The following KIF18B variants were observed in gnomAD, a reference collection of about 807,000 sequenced individuals.
KIF18B encodes kinesin-like protein KIF18B.
A neutral mutation model predicts 80.9 loss-of-function variants in KIF18B; 49 were observed. The ratio of observed to expected loss-of-function variants is 0.61; its 90% confidence interval spans 0.48 to 0.77. The LOEUF is 0.77. Among genes scored for constraint, KIF18B ranks in the 30% least tolerant of loss-of-function variants. KIF18B has a pLI of 0.00. For missense variants in KIF18B, 994 were observed against 1,127.7 expected (o/e 0.88, Z 1.70); for synonymous variants, 439 against 463.9 (o/e 0.95, Z 0.69).
intron 1 of KIF18B, among the ~76,000 whole-genome samples, chr17:44,946,780 G>T (rs575023293): frequency 2.0e-5 from 3 of 152,134 alleles, no homozygotes; most frequent in South Asian, 2.1e-4. Flanking sequence ...AGTAACAAAG[G>T]CCTGGTCTTC....
At chr17:44,939,325 C>T (rs1043514650) in intron 1 of KIF18B, among the ~76,000 whole-genome samples, 4 of 131,696 alleles carry the variant, frequency 3.0e-5, no homozygotes, top group South Asian at 2.4e-4. Flanking sequence ...GAGCTGAGAT[C>T]GCACCATTGT....
At position 44,926,465 on chromosome 17, in the gene KIF18B, G is replaced by C. The variant is rs777523695; in HGVS notation, c.2401C>G (p.Arg801Gly). 5.7e-6 allele frequency: 9 copies of C among 1,589,446 alleles called. No individual in the cohort carries two copies. The highest frequency in any genetic ancestry group is 6.8e-6 in the Non-Finnish European group (8 of 1,169,160). The change falls in exon 15 of 16, where the codon CGC (arginine) becomes GGC (glycine). Residue 801 changes from arginine (R) to glycine (G), a missense_variant. By Grantham distance (125) the Arg-to-Gly change is moderately radical (BLOSUM62 -2). Coordinates refer to ENST00000593135, the MANE Select transcript of KIF18B (RefSeq NM_001265577.2). Reference protein sequence around the residue: ...SVSHGRSRIARLPSSTLKRPA... With the variant: ...SVSHGRSRIAGLPSSTLKRPA... ...CTCTTCAAAGTGCTGCTGGGGAGGC[G>C]GGCGATGCGGCTGCGGCCATGGGAG...
chr17:44,926,257 A>G (rs2052023077), intron 15 of KIF18B, 71 bp from the exon 16 acceptor site: 22 of 1,598,090 alleles, frequency 1.4e-5, no homozygotes, highest in Non-Finnish European at 1.9e-5. Context: ...CCCGTCCTCC[A>G]GCCCACCTCC....
chr17:44,928,475 G>T lies in KIF18B; in HGVS notation c.1827C>A (p.Ile609=). The change falls in exon 13 of 16, where the codon ATC becomes ATA. Residue 609 remains isoleucine (I), a synonymous_variant. Transcript: ENST00000593135. ...RLSGPLHTLG[I]PPGPNCTPAQ... The stretch of plus-strand genomic sequence containing the variant: ...CTGGGGTGCAGTTGGGTCCAGGCGG[G>T]ATTCCCAGGGTGTGCAGGGGGCCAC... The T allele has an allele frequency of 6.6e-7, 1 of 1,525,260 alleles. No homozygotes were observed. The allele number at this position is 1,525,260 out of a possible 1,614,324, so 94.5% of individuals were successfully genotyped here.
Position 44,927,121 on chromosome 17 carries a change from C to G in KIF18B, c.2277-43G>C. The G allele has an allele frequency of 6.7e-7, 1 of 1,486,204 alleles. No individual in the cohort carries two copies. The allele number at this position is 1,486,204 out of a possible 1,614,324, so 92.1% of individuals were successfully genotyped here. A position where few individuals can be genotyped will look rare whatever the true frequency, so the allele number is the denominator to read the frequency against. ...GGAAGGAGGCTGATCAGCAGGGAACCGGAAGCAAGGCCAGCCACTTCCTCC... is the reference window on the plus strand; with the variant it reads ...GGAAGGAGGCTGATCAGCAGGGAACGGGAAGCAAGGCCAGCCACTTCCTCC... On this transcript the variant is annotated intron_variant, in intron 13 of 15. Coordinates refer to ENST00000593135, the MANE Select transcript of KIF18B (RefSeq NM_001265577.2). This position sits in a 1 kb window ranked among gnomAD's most constrained non-coding sequence, Gnocchi z 4.1.
In KIF18B at chr17:44,926,506, G is replaced by T; in HGVS notation, c.2367-7C>A. On this transcript the variant is annotated splice_polypyrimidine_tract_variant and splice_region_variant and intron_variant, in intron 14 of 15. Coordinates refer to ENST00000593135, the MANE Select transcript of KIF18B (RefSeq NM_001265577.2). ...GCCATGGGAGACTGAGGAACTGAGG[G>T]AGGAAAGGAGGGAAGGTGGAAGGTT... 1 of 1,578,258 alleles carries T rather than the reference G, an allele frequency of 6.3e-7. No individual in the cohort carries two copies. Among genetic ancestry groups the T allele is most frequent in the South Asian group, 1.2e-5 (1 of 85,624 alleles).
At chr17:44,936,640 T>A (rs1229023597) in intron 1 of KIF18B, among the ~76,000 whole-genome samples, 84 of 79,108 alleles carry the variant, frequency 1.1e-3, no homozygotes, top group African/African-American at 2.1e-3. Context: ...TTTTTTTTTT[T>A]TTTTTTTTTT....
At position 44,926,203 on chromosome 17, in the gene KIF18B, T is replaced by C; in HGVS notation, c.2453-17A>G. 6.2e-7 allele frequency: 1 copy of C among 1,613,610 alleles called. No homozygotes were observed. The highest frequency in any genetic ancestry group is 8.5e-7 in the Non-Finnish European group (1 of 1,179,758). On this transcript the variant is annotated splice_polypyrimidine_tract_variant and intron_variant, in intron 15 of 15. Transcript: ENST00000593135. ...AGGGCAGCTCTGCAGGCCAGTTGGA[T>C]GGGTGGCGGGGAGTGCAGCGAGGAA... is the stretch of plus-strand genomic sequence containing the variant.
chr17:44,936,308 G>T lies in KIF18B; in HGVS notation c.37C>A (p.Arg13=). ...VEDSTLQVVV[R]VRPPTPRELD... ...TCCCGAGGGGTGGGGGGCCGCACCCGTACCACTACTTGCAGCGTGCTGTCC... is the reference window on the plus strand; with the variant it reads ...TCCCGAGGGGTGGGGGGCCGCACCCTTACCACTACTTGCAGCGTGCTGTCC... The change falls in exon 2 of 16, where the codon CGG becomes AGG. Residue 13 remains arginine, a synonymous_variant. Coordinates refer to ENST00000593135, the MANE Select transcript of KIF18B (RefSeq NM_001265577.2). 1.2e-6 allele frequency: 2 copies of T among 1,609,510 alleles called. No individual in the cohort carries two copies. The highest frequency in any genetic ancestry group is 1.7e-6 in the Non-Finnish European group (2 of 1,178,760).
chr17:44,928,894 G>C lies in KIF18B; in HGVS notation c.1648C>G (p.Pro550Ala). Residue 550 changes from proline to alanine, a missense_variant, in exon 12 of 16, where the codon CCT becomes GCT. By Grantham distance (27) the Pro-to-Ala change is conservative. Transcript: ENST00000593135. ...GAAGTCCTCAAGGCCTCTGCCCCAG[G>C]CTCAATTTTTTCCTCTTGCACCAGC... ...QQLVQEEKIE[P>A]GAEALRTSGL... 1 of 1,613,986 alleles carries C rather than the reference G, an allele frequency of 6.2e-7. No homozygotes were observed. The highest frequency in any genetic ancestry group is 8.5e-7 in the Non-Finnish European group (1 of 1,179,866).
chr17:44,929,902 T>C (rs1432627651), intron 11 of KIF18B, among the ~76,000 whole-genome samples: 1 of 152,180 alleles, frequency 6.6e-6, no homozygotes, highest in African/African-American at 2.4e-5. Flanking sequence ...ATGTTGTAAA[T>C]TTAGATTCTA....
chr17:44,935,885 A>G (rs1192989122), intron 2 of KIF18B, 147 bp downstream of exon 2: 8 of 710,296 alleles, frequency 1.1e-5, no homozygotes, highest in Non-Finnish European at 1.9e-5. Flanking sequence ...AGTGTCCCAC[A>G]GAGCATGATG....
At chr17:44,930,999 G>A (rs2052133693) in intron 11 of KIF18B, among the ~76,000 whole-genome samples, 1 of 152,186 alleles carries the variant, frequency 6.6e-6, no homozygotes, top group Non-Finnish European at 1.5e-5. Flanking sequence ...AGCGTGCTGG[G>A]GAGGGAAGAG....
At chr17:44,945,495 G>C (rs1169433938) in intron 1 of KIF18B, among the ~76,000 whole-genome samples, 1 of 152,150 alleles carries the variant, frequency 6.6e-6, no homozygotes, top group Non-Finnish European at 1.5e-5. Flanking sequence ...TGCCCTCTAA[G>C]TATCGCTTTA....
intron 8 of KIF18B, 45 bp downstream of exon 8, chr17:44,932,867 T>A (rs780910212): frequency 6.3e-7 from 1 of 1,586,812 alleles, no homozygotes; most frequent in Admixed American, 1.7e-5. Context: ...AGCTCCTGCC[T>A]CTGGCTGTCG....
At chr17:44,931,082 A>T (rs2052135938) in intron 11 of KIF18B, among the ~76,000 whole-genome samples, 1 of 152,274 alleles carries the variant, frequency 6.6e-6, no homozygotes, top group Admixed American at 6.5e-5. Flanking sequence ...TATTAGCAGC[A>T]TCTTTCTATG....
At chr17:44,929,046 T>C (rs1458093485) in intron 11 of KIF18B, 22 bp from the exon 12 acceptor site, 4 of 1,609,384 alleles carry the variant, frequency 2.5e-6, no homozygotes, top group Non-Finnish European at 3.4e-6. Context: ...GAAAGGGGAT[T>C]CCCAGCCCTG....
intron 1 of KIF18B, among the ~76,000 whole-genome samples, chr17:44,943,651 T>C (rs2052460535): frequency 6.6e-6 from 1 of 152,212 alleles, no homozygotes. Context: ...TTTACCTATA[T>C]ATATTTAAAA....
chr17:44,929,024 C>A lies in KIF18B; in HGVS notation c.1518G>T (p.Gln506His). The change falls in exon 12 of 16, where the codon CAG (glutamine) becomes CAT (histidine). Residue 506 changes from glutamine to histidine, a missense_variant and splice_region_variant. Gln to His is a conservative substitution (Grantham distance 24). Coordinates refer to ENST00000593135, the MANE Select transcript of KIF18B (RefSeq NM_001265577.2). ...ARELDGDRSKQLALKVLCVAQ... is the reference protein window; with the variant it reads ...ARELDGDRSKHLALKVLCVAQ... ...CAACGCACAGCACCTTTAGGGCCAA[C>A]CTGGAACAGAAGAAAGGGGATTCCC... 6.2e-7 allele frequency: 1 copy of A among 1,613,928 alleles called. No homozygotes were observed. The highest frequency in any genetic ancestry group is 8.5e-7 in the Non-Finnish European group (1 of 1,179,838).
Sources: allele counts gnomAD v4.1 joint callset (sites outside exome capture counted in the v4.1 genomes callset), GRCh38; gene constraint gnomAD v4.1.1; non-coding constraint Gnocchi (gnomAD v3.1); transcripts MANE v1.5; gene names NCBI Gene and HGNC (gene_info 2026-07-23, HGNC 2026-07-21).